Variants in MYO1C observed in about 807,000 individuals in gnomAD.
MYO1C encodes myosin IC.
Under a neutral mutation model 150.8 loss-of-function variants are expected in MYO1C, and 104 were observed. The ratio of observed to expected loss-of-function variants is 0.69; its 90% CI spans 0.59 to 0.81. The LOEUF is 0.81. MYO1C is among the 30% of genes least tolerant of loss of function. MYO1C has a pLI of 0.00. For synonymous variants in MYO1C, 663 were observed against 579.9 expected, an observed-to-expected ratio of 1.14 and a Z score of -2.06; for missense variants, 1,504 against 1,435.0, an observed-to-expected ratio of 1.05 and a Z score of -0.78.
intron 25 of MYO1C, 141 bp downstream of exon 25, chr17:1,469,390 C>T (rs1446902298): frequency 3.8e-6 from 3 of 791,652 alleles, no homozygotes; most frequent in African/African-American, 1.8e-5. Flanking sequence ...AGGGTAAATA[C>T]GGTAGATCGG....
intron 17 of MYO1C, 116 bp from the exon 18 acceptor site, chr17:1,472,344 T>G: frequency 1.2e-6 from 1 of 837,436 alleles, no homozygotes; most frequent in East Asian, 2.7e-5. Context: ...TGATTCTGCC[T>G]GGTCCTTACT....
chr17:1,477,335 G>A lies in MYO1C; in HGVS notation c.1574+170C>T, dbSNP rs553748798. ...GATGGGACTCCAGGCGTGTCAGCAT[G>A]CCTGGCTAAGCTTCTTAGTTTCTGG... is the stretch of plus-strand genomic sequence containing the variant. On this transcript the variant is annotated intron_variant, in intron 14 of 31. Transcript: ENST00000648651. 2.3e-5 allele frequency: 15 copies of A among 665,338 alleles called. No homozygotes were observed. In the African/African-American group the frequency reaches 2.7e-4, roughly 12 times the overall value. 41.2% of individuals were successfully genotyped at this position (665,338 alleles called of 1,614,324 possible).
At chr17:1,488,959 T>G (rs1199649585) in intron 1 of MYO1C, among the ~76,000 whole-genome samples, 1 of 152,140 alleles carries the variant, frequency 6.6e-6, no homozygotes, top group Non-Finnish European at 1.5e-5. Context: ...AAGCCTGACT[T>G]CTGCGGACAG....
At chr17:1,472,345 G>A in intron 17 of MYO1C, 117 bp from the exon 18 acceptor site, 1 of 839,094 alleles carries the variant, frequency 1.2e-6, no homozygotes, top group Non-Finnish European at 1.9e-6. Flanking sequence ...GATTCTGCCT[G>A]GTCCTTACTC....
chr17:1,478,766 A>C lies in MYO1C; in HGVS notation c.1093-31T>G, dbSNP rs771897883. 2.3e-5 allele frequency: 37 copies of C among 1,611,970 alleles called. No individual in the cohort carries two copies. Among genetic ancestry groups the C allele is most frequent in the Non-Finnish European group, 3.1e-5 (36 of 1,179,988 alleles). On this transcript the variant is annotated intron_variant, in intron 9 of 31. Coordinates refer to ENST00000648651, the MANE Select transcript of MYO1C (RefSeq NM_001080779.2). This position sits in a 1 kb window ranked among gnomAD's most constrained non-coding sequence, Gnocchi z 6.3. Reference sequence around the variant, plus strand: ...GACGCAGCGTGAGACAAGGAGATGAATGCCACAGAGCCTGTGCATCCCACC... The same window carrying C: ...GACGCAGCGTGAGACAAGGAGATGACTGCCACAGAGCCTGTGCATCCCACC...
intron 5 of MYO1C, among the ~76,000 whole-genome samples, chr17:1,482,273 C>A (rs1567530971): frequency 6.6e-6 from 1 of 152,136 alleles, no homozygotes. Context: ...ACCGCACCTG[C>A]CCCCCACTCC....
At chr17:1,488,018 G>A (rs980309759) in intron 1 of MYO1C, among the ~76,000 whole-genome samples, 1 of 152,228 alleles carries the variant, frequency 6.6e-6, no homozygotes, top group African/African-American at 2.4e-5. Flanking sequence ...ACGGGGTAGA[G>A]GGTCAAGAGA....
At chr17:1,468,644 C>G (rs1405638178) in intron 25 of MYO1C, 148 bp from the exon 26 acceptor site, 13 of 674,984 alleles carry the variant, frequency 1.9e-5, no homozygotes, top group East Asian at 1.1e-4. Flanking sequence ...CCCTGCCCCC[C>G]ACACGCCCAT....
intron 13 of MYO1C, 37 bp from the exon 14 acceptor site, chr17:1,477,633 GA>G (rs2074426773): frequency 1.3e-6 from 2 of 1,515,304 alleles, no homozygotes; most frequent in Admixed American, 1.7e-5. Flanking sequence ...ACGTATGGGG[GA>G]CAGGTCAGAG....
intron 25 of MYO1C, 96 bp from the exon 26 acceptor site, chr17:1,468,592 C>A (rs2074232165): frequency 3.1e-6 from 3 of 977,526 alleles, no homozygotes; most frequent in Non-Finnish European, 4.8e-6. Flanking sequence ...CCTCCCTCAC[C>A]CGCTTGCTGG....
chr17:1,487,377 C>T (rs1002486331), intron 1 of MYO1C, among the ~76,000 whole-genome samples: 5 of 152,252 alleles, frequency 3.3e-5, no homozygotes, highest in African/African-American at 1.2e-4. Flanking sequence ...AAAGCCCCAG[C>T]GCCCCACCCC....
At position 1,472,180 on chromosome 17, in the gene MYO1C, G is replaced by A. The variant is rs1464901071; in HGVS notation, c.1846C>T (p.Gln616Ter). The change falls in exon 18 of 32, where the codon CAG (glutamine) becomes TAG (stop). Residue 616 changes from glutamine to a stop codon, truncating the protein, a stop_gained. Coordinates refer to ENST00000648651, the MANE Select transcript of MYO1C (RefSeq NM_001080779.2). LOFTEE classifies it high-confidence loss of function. ...MSLLQLVEIL[Q>*]SKEPAYVRCI... ...CGGACGTAGGCGGGCTCCTTAGACTGCAGGATCTCCACCAGCTGCAGGAGG... is the reference window on the plus strand; with the variant it reads ...CGGACGTAGGCGGGCTCCTTAGACTACAGGATCTCCACCAGCTGCAGGAGG... 1.2e-6 allele frequency: 2 copies of A among 1,614,176 alleles called. No individual in the cohort carries two copies. The highest frequency in any genetic ancestry group is 2.2e-5 in the South Asian group (2 of 91,088).
At position 1,484,265 on chromosome 17, in the gene MYO1C, A is replaced by G. The variant is rs1298352720; in HGVS notation, c.114T>C (p.Ser38=). 1 of 1,611,854 alleles carries G rather than the reference A, an allele frequency of 6.2e-7. No homozygotes were observed. Among genetic ancestry groups the G allele is most frequent in the South Asian group, 1.1e-5 (1 of 91,072 alleles). ...GSDGVRVTME[S]ALTARDRVGV... Reference sequence around the variant, plus strand: ...CCACCCGGTCACGGGCGGTGAGCGCACTCTCCATGGTCACCCGAACCCCGT... The same window carrying G: ...CCACCCGGTCACGGGCGGTGAGCGCGCTCTCCATGGTCACCCGAACCCCGT... The change falls in exon 2 of 32, where the codon AGT becomes AGC. Residue 38 remains serine, a synonymous_variant. Transcript: ENST00000648651.
chr17:1,492,401 A>ATCCCAGCTT lies in MYO1C; in HGVS notation c.75+3_75+11dup. 6.3e-7 allele frequency: 1 copy of ATCCCAGCTT among 1,598,092 alleles called. No individual in the cohort carries two copies. On this transcript the variant is annotated intron_variant, in intron 1 of 31. Coordinates refer to ENST00000648651, the MANE Select transcript of MYO1C (RefSeq NM_001080779.2). ...TCCCACCCTCCTCCCAGCCCAGAGC[A>ATCCCAGCTT]TCCCAGCTTACAAGCTTGCAGGGCC... is the stretch of plus-strand genomic sequence containing the variant.
At chr17:1,485,003 AACGCGG>A in intron 1 of MYO1C, 1 of 825,950 alleles carries the variant, frequency 1.2e-6, no homozygotes, top group South Asian at 1.4e-5. Flanking sequence ...CCCACTCCAG[AACGCGG>A]GGGAGGCCCT....
intron 31 of MYO1C, among the ~76,000 whole-genome samples, chr17:1,466,364 C>T (rs1193064828): frequency 6.6e-6 from 1 of 151,816 alleles, no homozygotes; most frequent in Non-Finnish European, 1.5e-5. Flanking sequence ...GAATTTTGCT[C>T]TTGTTGCCCA....
intron 17 of MYO1C, chr17:1,472,439 C>G (rs970398686): frequency 3.4e-6 from 2 of 580,360 alleles, no homozygotes; most frequent in Admixed American, 6.0e-5. Flanking sequence ...CCTCAGTCTA[C>G]GAGCCTCACT....
rs202188071 is a variant in MYO1C at position 1,474,596 on chromosome 17, C to T, written c.1797+14G>A. The T allele has an allele frequency of 1.2e-4, 191 of 1,613,396 alleles. No individual in the cohort carries two copies. In the African/African-American group the frequency reaches 2.2e-3, roughly 19 times the overall value. On this transcript the variant is annotated intron_variant, in intron 17 of 31. Coordinates refer to ENST00000648651, the MANE Select transcript of MYO1C (RefSeq NM_001080779.2). The stretch of plus-strand genomic sequence containing the variant: ...GCGCATGCACCCCTGCGCCCGGTCC[C>T]GCCACCTCCTCACCGTCTCTGGCCG...
intron 21 of MYO1C, 27 bp from the exon 22 acceptor site, chr17:1,470,716 G>C: frequency 6.3e-7 from 1 of 1,593,076 alleles, no homozygotes. Context: ...AAGGCAATTG[G>C]CCAGAGCGCG....
Sources: allele counts gnomAD v4.1 joint callset (sites outside exome capture counted in the v4.1 genomes callset), GRCh38; gene constraint gnomAD v4.1.1; non-coding constraint Gnocchi (gnomAD v3.1); transcripts MANE v1.5; gene names NCBI Gene and HGNC (gene_info 2026-07-23, HGNC 2026-07-21).